Variants in MMP16 observed in about 807,000 individuals in gnomAD.
MMP16 encodes the protein matrix metallopeptidase 16.
MMP16 carries 12 observed loss-of-function variants against 67.8 expected under a neutral mutation model. The observed-to-expected ratio is 0.18, with a 90% CI of 0.11 to 0.29. The LOEUF (loss-of-function observed/expected upper bound fraction) is 0.29. Among genes scored for constraint, MMP16 ranks in the 10% least tolerant of loss-of-function variants. The pLI, the probability that MMP16 is intolerant of heterozygous loss-of-function variation, is 1.00. For missense variants in MMP16, 475 were observed against 765.7 expected, an observed-to-expected ratio of 0.62 and a Z score of 4.48; for synonymous variants, 249 against 255.9, an observed-to-expected ratio of 0.97 and a Z score of 0.26.
intron 4 of MMP16, among the ~76,000 whole-genome samples, chr8:88,135,637 T>C (rs1337103452): frequency 1.3e-5 from 2 of 151,754 alleles, no homozygotes; most frequent in Admixed American, 1.3e-4. Flanking sequence ...AACAGACATA[T>C]AAAGAGGAGA....
At chr8:88,059,677 CATCGTCCCTTCT>C (rs1197489523) in intron 7 of MMP16, among the ~76,000 whole-genome samples, 1 of 151,880 alleles carries the variant, frequency 6.6e-6, no homozygotes, top group Non-Finnish European at 1.5e-5. Flanking sequence ...TCATCCCTTC[CATCGTCCCTTCT>C]AAAGGTAATA....
chr8:88,222,329 G>T (rs551703560), intron 1 of MMP16, among the ~76,000 whole-genome samples: 2 of 152,100 alleles, frequency 1.3e-5, no homozygotes, highest in African/African-American at 4.8e-5. Flanking sequence ...TTTCTTTACA[G>T]AATTGGAAAA....
chr8:88,136,454 A>G (rs1586169592), intron 4 of MMP16, among the ~76,000 whole-genome samples: 1 of 151,940 alleles, frequency 6.6e-6, no homozygotes, highest in African/African-American at 2.4e-5. Flanking sequence ...ATCATCATAA[A>G]TTGAAAACCC....
intron 1 of MMP16, among the ~76,000 whole-genome samples, chr8:88,201,847 G>T (rs1218820246): frequency 5.3e-5 from 8 of 152,090 alleles, no homozygotes. Context: ...AACAGCTTAA[G>T]GACTTTTTTT....
At chr8:88,099,838 T>C (rs1809104667) in intron 6 of MMP16, among the ~76,000 whole-genome samples, 1 of 151,992 alleles carries the variant, frequency 6.6e-6, no homozygotes, top group African/African-American at 2.4e-5. Flanking sequence ...TCCTGCCTTC[T>C]TTACTTTGCA....
At chr8:88,197,490 A>G (rs1186465968) in intron 1 of MMP16, among the ~76,000 whole-genome samples, 184 bp from the exon 2 acceptor site, 4 of 152,162 alleles carry the variant, frequency 2.6e-5, no homozygotes, top group Admixed American at 2.6e-4. Context: ...ATATAATTGC[A>G]GCGACTGTTA....
intron 4 of MMP16, among the ~76,000 whole-genome samples, chr8:88,162,817 C>T (rs1808651532): frequency 6.6e-6 from 1 of 151,902 alleles, no homozygotes; most frequent in Admixed American, 6.6e-5. Flanking sequence ...TGCTTGCTTT[C>T]CCTTAGCCCT....
chr8:88,145,423 A>G (rs113666100), intron 4 of MMP16, among the ~76,000 whole-genome samples: 54 of 152,096 alleles, frequency 3.6e-4, no homozygotes, highest in Non-Finnish European at 6.6e-4. Flanking sequence ...AAATACAATT[A>G]TGTGTCACAT....
chr8:88,053,202 G>A (rs1477499878), intron 8 of MMP16, among the ~76,000 whole-genome samples: 1 of 152,186 alleles, frequency 6.6e-6, no homozygotes, highest in Non-Finnish European at 1.5e-5. Context: ...TGGTGGAGAG[G>A]GAAGGGTACT....
chr8:88,154,969 C>G (rs1808484131), intron 4 of MMP16, among the ~76,000 whole-genome samples: 2 of 151,266 alleles, frequency 1.3e-5, no homozygotes, highest in African/African-American at 4.9e-5. Context: ...TTAATATTTT[C>G]ATTTAAATTT....
intron 1 of MMP16, among the ~76,000 whole-genome samples, chr8:88,256,486 T>C (rs1464822261): frequency 1.3e-5 from 2 of 152,100 alleles, no homozygotes; most frequent in African/African-American, 2.4e-5. Flanking sequence ...AAAATACTGA[T>C]CTCTTTCCCA....
chr8:88,198,096 A>G (rs546225068), intron 1 of MMP16, among the ~76,000 whole-genome samples: 1 of 152,298 alleles, frequency 6.6e-6, no homozygotes, highest in Admixed American at 6.5e-5. Flanking sequence ...TCACATTCTA[A>G]TTGTGATTGG....
At chr8:88,224,167 AT>A (rs1277726637) in intron 1 of MMP16, among the ~76,000 whole-genome samples, 1 of 152,090 alleles carries the variant, frequency 6.6e-6, no homozygotes, top group Non-Finnish European at 1.5e-5. Flanking sequence ...TGTTGGTTCT[AT>A]GTAACAAATG....
chr8:88,168,220 C>A (rs1031431231), intron 3 of MMP16, among the ~76,000 whole-genome samples: 1 of 152,072 alleles, frequency 6.6e-6, no homozygotes, highest in Non-Finnish European at 1.5e-5. Flanking sequence ...AACAGTAGGG[C>A]AATTGGATCA....
intron 4 of MMP16, among the ~76,000 whole-genome samples, chr8:88,164,193 C>T (rs1213661813): frequency 1.3e-5 from 2 of 152,018 alleles, no homozygotes; most frequent in African/African-American, 4.8e-5. Flanking sequence ...CTTTCATTTG[C>T]ATTTTTGCTA....
At chr8:88,109,403 GATAAA>G (rs1470671145) in intron 6 of MMP16, among the ~76,000 whole-genome samples, 9 of 151,146 alleles carry the variant, frequency 6.0e-5, no homozygotes, top group Admixed American at 4.0e-4. Context: ...TCTTGTGAAA[GATAAA>G]ATAAATAAAT....
intron 6 of MMP16, among the ~76,000 whole-genome samples, chr8:88,092,122 C>G (rs1368768538): frequency 1.3e-5 from 2 of 151,854 alleles, no homozygotes; most frequent in African/African-American, 4.8e-5. Flanking sequence ...AGCCGAAACA[C>G]TGTAACTACT....
intron 6 of MMP16, among the ~76,000 whole-genome samples, chr8:88,111,518 T>A (rs1005292358): frequency 1.3e-5 from 2 of 151,452 alleles, no homozygotes; most frequent in Non-Finnish European, 3.0e-5. Flanking sequence ...TGAGTAAAAA[T>A]GAGCAAAATA....
chr8:88,305,111 C>A (rs1466568690), intron 1 of MMP16, among the ~76,000 whole-genome samples: 1 of 151,998 alleles, frequency 6.6e-6, no homozygotes, highest in Non-Finnish European at 1.5e-5. Context: ...ATTTACCAAA[C>A]AAATGGAAAA....
Sources: gnomAD v4.1 joint callset for allele counts (sites outside exome capture counted in the v4.1 genomes callset) on GRCh38, gnomAD v4.1.1 for gene constraint, MANE v1.5 for transcripts, NCBI Gene and HGNC (gene_info 2026-07-23, HGNC 2026-07-21) for gene names.